The following CD226 variants were observed in gnomAD, a reference collection of about 807,000 sequenced individuals.
The protein encoded by CD226 is CD226 antigen.
Under a neutral mutation model 34.9 loss-of-function variants are expected in CD226, and 24 were observed. The observed-to-expected ratio is 0.69, with a 90% CI of 0.50 to 0.97. The LOEUF (loss-of-function observed/expected upper bound fraction) is 0.97, where lower values mean the gene tolerates loss of function less well. CD226 is among the 50% of genes least tolerant of loss of function. The probability of loss-of-function intolerance (pLI) is 0.00; values close to 1 mark genes in which losing one functional copy is unlikely to be tolerated. For missense variants in CD226, 397 were observed against 412.7 expected, an observed-to-expected ratio of 0.96 and a Z score of 0.33; for synonymous variants, 148 against 147.4, an observed-to-expected ratio of 1.00 and a Z score of -0.03.
At chr18:69,918,158 C>T (rs1025624849) in intron 2 of CD226, among the ~76,000 whole-genome samples, 1 of 152,148 alleles carries the variant, frequency 6.6e-6, no homozygotes, top group African/African-American at 2.4e-5. Context: ...GGGACAAGAC[C>T]CATCACGTCC....
At chr18:69,899,009 C>T (rs897729793) in intron 2 of CD226, among the ~76,000 whole-genome samples, 6 of 152,170 alleles carry the variant, frequency 3.9e-5, no homozygotes, top group African/African-American at 9.7e-5. Flanking sequence ...TATGTAGCTA[C>T]GTATTAATAC....
At chr18:69,905,251 T>C (rs2055238044) in intron 2 of CD226, among the ~76,000 whole-genome samples, 1 of 151,470 alleles carries the variant, frequency 6.6e-6, no homozygotes, top group Non-Finnish European at 1.5e-5. Context: ...AGGATGCCTC[T>C]GCTCCTAGAT....
chr18:69,856,843 A>G lies in CD226; in HGVS notation c.*7471T>C, dbSNP rs914399951. ...TGCCACTATTGGAAAAGAAAACAAC[A>G]TATAAAATCAATAATCTAGGCTTCC... On this transcript the variant is annotated 3_prime_UTR_variant, in exon 6 of 6. Coordinates refer to ENST00000582621, the MANE Select transcript of CD226 (RefSeq NM_001303618.2). 1.3e-5 allele frequency: 2 copies of G among 152,196 alleles called. No individual in the cohort carries two copies. The highest frequency in any genetic ancestry group is 2.4e-5 in the African/African-American group (1 of 41,464). 9.4% of individuals were successfully genotyped at this position (152,196 alleles called of 1,614,324 possible).
At chr18:69,917,918 A>T (rs2055405290) in intron 2 of CD226, among the ~76,000 whole-genome samples, 1 of 152,162 alleles carries the variant, frequency 6.6e-6, no homozygotes, top group African/African-American at 2.4e-5. Context: ...GGAGCAAAAG[A>T]GCTTTATAAT....
chr18:69,908,395 T>C (rs2055282438), intron 2 of CD226, among the ~76,000 whole-genome samples: 1 of 152,252 alleles, frequency 6.6e-6, no homozygotes, highest in South Asian at 2.1e-4. Context: ...TTGTACATAT[T>C]GGATGATTAA....
rs60750165 is a variant in CD226 at position 69,946,180 on chromosome 18, C to CA, written c.382+553dup. On this transcript the variant is annotated intron_variant, in intron 2 of 5. Coordinates refer to ENST00000582621, the MANE Select transcript of CD226 (RefSeq NM_001303618.2). ...GCCTGGTGACAGAGCAAGACTCCAT[C>CA]AAAAAAAAAAAAAAAAAAAAAAAAA... Among the ~76,000 whole-genome samples, 53 of 66,388 alleles carry CA rather than the reference C, an allele frequency of 8.0e-4. 2 individuals are homozygous for CA. Among genetic ancestry groups the CA allele is most frequent in the African/African-American group, 3.2e-3 (44 of 13,772 alleles). 43.6% of individuals were successfully genotyped at this position (66,388 alleles called of 152,430 possible). A position where few individuals can be genotyped will look rare whatever the true frequency, so the allele number is the denominator to read the frequency against.
chr18:69,947,017 C>G lies in CD226; in HGVS notation c.99G>C (p.Met33Ile). The change falls in exon 2 of 6, where the codon ATG becomes ATC. Residue 33 changes from methionine (M) to isoleucine (I), a missense_variant. Physicochemically the swap from Met to Ile is conservative, Grantham distance 10. Transcript: ENST00000582621. ...WHTSVPFAEN[M>I]SLECVYPSMG... ...TTGATGGATACACACATTCTAGAGACATGTTCTCGGCAAAGGGAACTGATG... is the reference window on the plus strand; with the variant it reads ...TTGATGGATACACACATTCTAGAGAGATGTTCTCGGCAAAGGGAACTGATG... The G allele has an allele frequency of 6.8e-6, 11 of 1,614,174 alleles. No homozygotes were observed. Among genetic ancestry groups the G allele is most frequent in the Non-Finnish European group, 9.3e-6 (11 of 1,180,018 alleles).
chr18:69,917,441 C>G (rs534598578), intron 2 of CD226, among the ~76,000 whole-genome samples: 1 of 152,260 alleles, frequency 6.6e-6, no homozygotes, highest in East Asian at 1.9e-4. Flanking sequence ...TTCCATTGAG[C>G]TTTCCTGGGT....
At chr18:69,899,812 A>G (rs985850474) in intron 2 of CD226, among the ~76,000 whole-genome samples, 1 of 152,236 alleles carries the variant, frequency 6.6e-6, no homozygotes, top group Non-Finnish European at 1.5e-5. Context: ...AAAAGGGAAC[A>G]CTTATACACT....
chr18:69,914,865 C>T (rs1470141867), intron 2 of CD226, among the ~76,000 whole-genome samples: 2 of 152,072 alleles, frequency 1.3e-5, no homozygotes, highest in Admixed American at 6.6e-5. Flanking sequence ...AAGAAAACAT[C>T]CAAAAAAATA....
At chr18:69,958,132 A>T (rs1457711083), upstream of CD226, among the ~76,000 whole-genome samples, 2 of 152,082 alleles carry the variant, frequency 1.3e-5, no homozygotes, top group African/African-American at 4.8e-5. Context: ...TTTCCTGAGA[A>T]CCCCAAATAT....
chr18:69,908,823 T>A (rs1479382469), intron 2 of CD226, among the ~76,000 whole-genome samples: 1 of 152,242 alleles, frequency 6.6e-6, no homozygotes, highest in African/African-American at 2.4e-5. Context: ...ATACTCCAGT[T>A]TCCCCAAGAA....
Position 69,861,231 on chromosome 18 carries a change from C to A in CD226, c.*3083G>T, listed in dbSNP as rs368393530. ...TTTTTACTAAAAATTATATCTTCAC[C>A]TACCTGCCTCCCATTTTAAGCATGA... On this transcript the variant is annotated 3_prime_UTR_variant, in exon 6 of 6. Transcript: ENST00000582621. 1.4e-4 allele frequency: 22 copies of A among 151,824 alleles called. No individual in the cohort carries two copies. In the East Asian group the frequency reaches 3.1e-3, roughly 21 times the overall value. The allele number at this position is 151,824 out of a possible 1,614,324, so 9.4% of individuals were successfully genotyped here.
At chr18:69,950,536 C>G (rs1023239481), upstream of CD226, among the ~76,000 whole-genome samples, 3 of 152,096 alleles carry the variant, frequency 2.0e-5, no homozygotes, top group African/African-American at 7.2e-5. Context: ...GGGAAAGGCT[C>G]TCGGGCAGTG....
At chr18:69,900,051 T>C (rs1464422121) in intron 2 of CD226, among the ~76,000 whole-genome samples, 1 of 152,118 alleles carries the variant, frequency 6.6e-6, no homozygotes, top group Non-Finnish European at 1.5e-5. Flanking sequence ...CAGTGACAGA[T>C]GGGATAAAGA....
chr18:69,903,042 T>C (rs2055207412), intron 2 of CD226, among the ~76,000 whole-genome samples: 2 of 151,994 alleles, frequency 1.3e-5, no homozygotes, highest in South Asian at 4.2e-4. Flanking sequence ...GCAAAAGAAA[T>C]AGAAAGGCAA....
chr18:69,902,886 G>C (rs2055205428), intron 2 of CD226, among the ~76,000 whole-genome samples: 1 of 152,036 alleles, frequency 6.6e-6, no homozygotes, highest in Non-Finnish European at 1.5e-5. Flanking sequence ...ATTCCCAACT[G>C]TGCCTAGACT....
rs576682835 is a variant in CD226 at position 69,890,098 on chromosome 18, T to A, written c.727+5603A>T. 7.2e-5 allele frequency among the ~76,000 whole-genome samples: 11 copies of A among 152,190 alleles called. No individual in the cohort carries two copies. The South Asian group carries it at 1.5e-3, about 20-fold the overall frequency. On this transcript the variant is annotated intron_variant, in intron 3 of 5. Transcript: ENST00000582621. ...ATCAGTAAACCTCAAAGGTTAAACG[T>A]TGAAGAAAAAAAATCTGGAAAGAAA... is the stretch of plus-strand genomic sequence containing the variant.
chr18:69,957,350 C>CTT (rs11373057), upstream of CD226, among the ~76,000 whole-genome samples: 44 of 149,456 alleles, frequency 2.9e-4, no homozygotes, highest in Admixed American at 3.3e-4. Flanking sequence ...TCTAGATACT[C>CTT]TTTTTTTTTT....
Sources: allele counts gnomAD v4.1 joint callset (sites outside exome capture counted in the v4.1 genomes callset), GRCh38; gene constraint gnomAD v4.1.1; transcripts MANE v1.5; gene names NCBI Gene and HGNC (gene_info 2026-07-23, HGNC 2026-07-21).